Variants in PALM observed in about 807,000 individuals in gnomAD.
The protein encoded by PALM is paralemmin-1.
In PALM, 18 loss-of-function variants were observed where a neutral mutation model predicts 30.7. The ratio of observed to expected loss-of-function variants is 0.59; its 90% CI spans 0.41 to 0.87. The LOEUF (loss-of-function observed/expected upper bound fraction) is 0.87. Ranked by LOEUF, PALM falls within the 40% of genes least tolerant of loss-of-function variation. The pLI is 0.00. For missense variants in PALM, 529 were observed against 555.4 expected, an observed-to-expected ratio of 0.95 and a Z score of 0.48; for synonymous variants, 286 against 242.8, an observed-to-expected ratio of 1.18 and a Z score of -1.66.
intron 7 of PALM, 109 bp downstream of exon 7, chr19:736,187 C>T (rs1010259799): frequency 9.3e-6 from 7 of 754,390 alleles, no homozygotes; most frequent in African/African-American, 3.6e-5. Flanking sequence ...CTCTCCGCAG[C>T]GTCTGACGGG....
At chr19:738,155 C>T (rs1424084041) in intron 7 of PALM, among the ~76,000 whole-genome samples, 1 of 152,068 alleles carries the variant, frequency 6.6e-6, no homozygotes, top group African/African-American at 2.4e-5. Context: ...CCTTTGGAGG[C>T]CAAGGCGGGC....
intron 7 of PALM, among the ~76,000 whole-genome samples, chr19:739,961 A>G (rs2033138616): frequency 6.6e-6 from 1 of 152,190 alleles, no homozygotes; most frequent in South Asian, 2.1e-4. Context: ...AGGCGGCTCC[A>G]TCTCAAAAAA....
At chr19:740,587 G>A (rs1046433097) in intron 8 of PALM, 104 bp downstream of exon 8, 9 of 1,084,966 alleles carry the variant, frequency 8.3e-6, no homozygotes, top group African/African-American at 3.1e-5. Context: ...TCAGGACCCC[G>A]ATTCGATGTG....
intron 2 of PALM, 51 bp from the exon 3 acceptor site, chr19:726,957 G>GGGGGGC: frequency 9.0e-7 from 1 of 1,109,144 alleles, no homozygotes. Flanking sequence ...GGGTGGGGGG[G>GGGGGGC]TCTCCGGGAC....
At chr19:729,398 A>G (rs2032795538) in intron 4 of PALM, among the ~76,000 whole-genome samples, 1 of 133,664 alleles carries the variant, frequency 7.5e-6, no homozygotes, top group Non-Finnish European at 1.6e-5. Flanking sequence ...AGTGTTACCC[A>G]CTCCCTGGGC....
intron 2 of PALM, 124 bp from the exon 3 acceptor site, chr19:726,884 C>T (rs117285487): frequency 0.12 from 75,082 of 646,064 alleles, 5,724 homozygotes; most frequent in Non-Finnish European, 0.15. Context: ...ACCTGGAAGC[C>T]AGTGGGCCAC....
rs559553426 is a variant in PALM, at chr19:733,763, G to A, written c.421-410G>A. Reference sequence around the variant, plus strand: ...GCACTTTGGGAGGCCGAGGTGGGTGGATCACCTGAGGTCAGGGGATCGAAA... The same window carrying A: ...GCACTTTGGGAGGCCGAGGTGGGTGAATCACCTGAGGTCAGGGGATCGAAA... On this transcript the variant is annotated intron_variant, in intron 5 of 8. Coordinates refer to ENST00000338448, the MANE Select transcript of PALM (RefSeq NM_002579.3). 3.3e-5 allele frequency among the ~76,000 whole-genome samples: 5 copies of A among 152,274 alleles called. No homozygotes were observed. The South Asian group carries it at 1.0e-3, about 32-fold the overall frequency.
At chr19:727,209 G>GCCCTGACCCTGACCCCGA (rs2032701392) in intron 3 of PALM, 121 bp downstream of exon 3, 9 of 597,936 alleles carry the variant, frequency 1.5e-5, no homozygotes, top group Non-Finnish European at 2.6e-5. Context: ...CCTGCCTCCA[G>GCCCTGACCCTGACCCCGA]CCCTGACCCT....
At chr19:741,093 C>A (rs139945225) in intron 8 of PALM, among the ~76,000 whole-genome samples, 37 of 152,052 alleles carry the variant, frequency 2.4e-4, no homozygotes, top group African/African-American at 8.4e-4. Flanking sequence ...GAGCCGTGAT[C>A]GCACCACTGC....
At chr19:718,495 C>G (rs531715806) in intron 1 of PALM, among the ~76,000 whole-genome samples, 1 of 152,158 alleles carries the variant, frequency 6.6e-6, no homozygotes, top group South Asian at 2.1e-4. Flanking sequence ...GGGAAGGCCC[C>G]GTTCACGCCT....
chr19:720,509 G>C (rs1221793175), intron 1 of PALM, among the ~76,000 whole-genome samples: 6 of 142,900 alleles, frequency 4.2e-5, no homozygotes, highest in Non-Finnish European at 9.3e-5. Flanking sequence ...GGAGAGGTGA[G>C]GGGGGCGCCG....
At chr19:714,735 C>A (rs904664465) in intron 1 of PALM, among the ~76,000 whole-genome samples, 6 of 152,032 alleles carry the variant, frequency 3.9e-5, no homozygotes, top group Non-Finnish European at 7.4e-5. Context: ...CTGCAGCCTC[C>A]ACGCCCCGGG....
intron 8 of PALM, among the ~76,000 whole-genome samples, chr19:740,921 A>G (rs958602640): frequency 6.6e-6 from 1 of 151,428 alleles, no homozygotes; most frequent in Non-Finnish European, 1.5e-5. Context: ...GCTTGAGCCC[A>G]GAAGTTTGAG....
chr19:745,524 G>C (rs1337014473), intron 8 of PALM, among the ~76,000 whole-genome samples: 1 of 148,486 alleles, frequency 6.7e-6, no homozygotes, highest in Non-Finnish European at 1.5e-5. Context: ...TGAAACCCCA[G>C]CTCTATTAAA....
Position 709,168 on chromosome 19 carries a change from G to A in PALM, c.5+17G>A, listed in dbSNP as rs1465625687. 2 of 321,660 alleles carry A rather than the reference G, an allele frequency of 6.2e-6. No homozygotes were observed. Among genetic ancestry groups the A allele is most frequent in the Non-Finnish European group, 1.1e-5 (2 of 176,586 alleles). The allele number at this position is 321,660 out of a possible 1,614,324, so 19.9% of individuals were successfully genotyped here. ...GGAGATGGAGTGAGTAGGCGCGCTC[G>A]GGCCGCGGGGCTGGGGGCCCGGAGC... On this transcript the variant is annotated intron_variant, in intron 1 of 8. Transcript: ENST00000338448. This position sits in a 1 kb window ranked among gnomAD's most constrained non-coding sequence, Gnocchi z 4.3.
At chr19:722,328 C>T (rs2032517393) in intron 1 of PALM, among the ~76,000 whole-genome samples, 2 of 152,210 alleles carry the variant, frequency 1.3e-5, no homozygotes, top group African/African-American at 4.8e-5. Context: ...GATCCTCCCA[C>T]CTCAGCCTCC....
chr19:713,806 T>G (rs559330265), intron 1 of PALM, among the ~76,000 whole-genome samples: 2 of 152,278 alleles, frequency 1.3e-5, no homozygotes, highest in East Asian at 3.9e-4. Context: ...GGTCTCGAAC[T>G]CCTGGCCTCA....
chr19:724,505 A>AG (rs2032596758), intron 1 of PALM, among the ~76,000 whole-genome samples: 1 of 151,998 alleles, frequency 6.6e-6, no homozygotes, highest in Non-Finnish European at 1.5e-5. Flanking sequence ...TTTTTAGTAG[A>AG]GACGGGGGTT....
At position 716,010 on chromosome 19, in the gene PALM, C is replaced by T. The variant is rs569308171; in HGVS notation, c.5+6859C>T. On this transcript the variant is annotated intron_variant, in intron 1 of 8. Transcript: ENST00000338448. The stretch of plus-strand genomic sequence containing the variant: ...AAATCAGGCCAGAGTGGCTGTCTCC[C>T]GCCCCAGGGTTTCAAGCAGAAATTC... 2.0e-3 allele frequency among the ~76,000 whole-genome samples: 307 copies of T among 152,170 alleles called. 2 individuals are homozygous for T. The highest frequency in any genetic ancestry group is 6.6e-3 in the African/African-American group (276 of 41,510).
Sources: allele counts gnomAD v4.1 joint callset (sites outside exome capture counted in the v4.1 genomes callset), GRCh38; gene constraint gnomAD v4.1.1; non-coding constraint Gnocchi (gnomAD v3.1); transcripts MANE v1.5; gene names NCBI Gene and HGNC (gene_info 2026-07-23, HGNC 2026-07-21).